KCNQ1OT1: variants seen among roughly 807,000 people sequenced by gnomAD.
KCNQ1OT1 encodes the protein KCNQ1 antisense RNA 2 (non-protein coding).
Position 2,657,904 on chromosome 11 carries a change from T to C in KCNQ1OT1, n.42091A>G. ...GTGAGGTGAGATGCTTTCCTCATTG[T>C]GGAACATGACATCAACATGGTTTAT... is the stretch of plus-strand genomic sequence containing the variant. On this transcript the variant is annotated non_coding_transcript_exon_variant, in exon 1 of 1. Transcript: ENST00000597346. This position sits in a 1 kb window ranked among gnomAD's most constrained non-coding sequence, Gnocchi z 4.8. 5.0e-6 allele frequency: 2 copies of C among 398,620 alleles called. No individual in the cohort carries two copies. The highest frequency in any genetic ancestry group is 8.8e-6 in the Non-Finnish European group (2 of 226,048). 24.7% of individuals were successfully genotyped at this position (398,620 alleles called of 1,614,324 possible).
In KCNQ1OT1 at chr11:2,668,136, G is replaced by T. The variant is rs765954970; in HGVS notation, n.31859C>A. The T allele has an allele frequency of 5.0e-6, 2 of 398,550 alleles. No individual in the cohort carries two copies. The highest frequency in any genetic ancestry group is 2.1e-5 in the African/African-American group (1 of 48,716). The allele number at this position is 398,550 out of a possible 1,614,324, so 24.7% of individuals were successfully genotyped here. ...TTTGATGTCTGGCAGCCTCTCTATG[G>T]GGCTGAAGGGAGAGTGCTCCCTCAT... On this transcript the variant is annotated non_coding_transcript_exon_variant, in exon 1 of 1. Transcript: ENST00000597346. This position sits in a 1 kb window ranked among gnomAD's most constrained non-coding sequence, Gnocchi z 4.3.
chr11:2,696,659 C>T (rs774582634), exon 1 of KCNQ1OT1: 10 of 398,528 alleles, frequency 2.5e-5, no homozygotes, highest in Non-Finnish European at 4.4e-5. Flanking sequence ...ATCCTGACGT[C>T]ATTCTAATGC....
exon 1 of KCNQ1OT1, chr11:2,660,349 T>A (rs568921659): frequency 2.5e-6 from 1 of 398,538 alleles, no homozygotes; most frequent in East Asian, 3.6e-5. Flanking sequence ...GGAATAAATT[T>A]AAGAGAGAAT....
At chr11:2,639,113 G>T (rs902586970) in exon 1 of KCNQ1OT1, 2 of 152,092 alleles carry the variant, frequency 1.3e-5, no homozygotes, top group African/African-American at 4.8e-5. Flanking sequence ...TTAGCCATTC[G>T]TCTAATCTTT....
chr11:2,681,783 A>G (rs536392510), exon 1 of KCNQ1OT1: 2 of 398,590 alleles, frequency 5.0e-6, no homozygotes, highest in East Asian at 7.1e-5. Context: ...TGGGAGGACC[A>G]GAATGGGTAC....
chr11:2,667,462 T>C lies in KCNQ1OT1; in HGVS notation n.32533A>G, dbSNP rs1850098823. 2.5e-6 allele frequency: 1 copy of C among 398,424 alleles called. No homozygotes were observed. Among genetic ancestry groups the C allele is most frequent in the Non-Finnish European group, 4.4e-6 (1 of 226,112 alleles). 24.7% of individuals were successfully genotyped at this position (398,424 alleles called of 1,614,324 possible). ...CTGCTCAGGTCCTCAGCCAAGCAGA[T>C]GGTGTTGGAGGATGTGACAGAGAGA... On this transcript the variant is annotated non_coding_transcript_exon_variant, in exon 1 of 1. Coordinates refer to ENST00000597346, the Ensembl canonical transcript of KCNQ1OT1.
rs1463399169 is a variant in KCNQ1OT1, at chr11:2,642,289, A to T, written n.57706T>A. The T allele has an allele frequency of 2.5e-6, 1 of 398,230 alleles. No homozygotes were observed. The highest frequency in any genetic ancestry group is 4.4e-6 in the Non-Finnish European group (1 of 225,846). The allele number at this position is 398,230 out of a possible 1,614,324, so 24.7% of individuals were successfully genotyped here. A position where few individuals can be genotyped will look rare whatever the true frequency, so the allele number is the denominator to read the frequency against. On this transcript the variant is annotated non_coding_transcript_exon_variant, in exon 1 of 1. Coordinates refer to ENST00000597346, the Ensembl canonical transcript of KCNQ1OT1. The surrounding 1 kb of genome is among the most constrained non-coding windows in gnomAD (Gnocchi z 4.3). ...TTGTGTGTTCTTTTCAATTTCTTTC[A>T]TCAGACTTTTGTAGTTTTCCTTGTT...
In KCNQ1OT1 at chr11:2,623,284, A is replaced by T. The variant is rs1849204356; in HGVS notation, n.76711T>A. 5.0e-6 allele frequency: 2 copies of T among 398,674 alleles called. No individual in the cohort carries two copies. Among genetic ancestry groups the T allele is most frequent in the Admixed American group, 4.4e-5 (1 of 22,722 alleles). 24.7% of individuals were successfully genotyped at this position (398,674 alleles called of 1,614,324 possible). A position where few individuals can be genotyped will look rare whatever the true frequency, so the allele number is the denominator to read the frequency against. ...AAACCTCTTTTCTCACAAATTACCC[A>T]GTCTCAGGTAGTTCTTTATAGCACT... On this transcript the variant is annotated non_coding_transcript_exon_variant, in exon 1 of 1. Coordinates refer to ENST00000597346, the Ensembl canonical transcript of KCNQ1OT1. The surrounding 1 kb of genome is among the most constrained non-coding windows in gnomAD (Gnocchi z 5.2).
At position 2,624,561 on chromosome 11, in the gene KCNQ1OT1, C is replaced by A. The variant is rs1006541022; in HGVS notation, n.75434G>T. 2.5e-6 allele frequency: 1 copy of A among 398,278 alleles called. No homozygotes were observed. The highest frequency in any genetic ancestry group is 4.4e-6 in the Non-Finnish European group (1 of 225,996). The allele number at this position is 398,278 out of a possible 1,614,324, so 24.7% of individuals were successfully genotyped here. A position where few individuals can be genotyped will look rare whatever the true frequency, so the allele number is the denominator to read the frequency against. ...TTCTATTTGTTGTTGATTTCCAAATCTTTTATTGTGGCAAAATACACTTAA... is the reference window on the plus strand; with the variant it reads ...TTCTATTTGTTGTTGATTTCCAAATATTTTATTGTGGCAAAATACACTTAA... On this transcript the variant is annotated non_coding_transcript_exon_variant, in exon 1 of 1. Transcript: ENST00000597346. The surrounding 1 kb of genome is among the most constrained non-coding windows in gnomAD (Gnocchi z 4.9).
chr11:2,660,203 G>A (rs946200686), exon 1 of KCNQ1OT1: 45 of 398,128 alleles, frequency 1.1e-4, no homozygotes, highest in African/African-American at 9.0e-4. Flanking sequence ...TTTTCAGTAA[G>A]TTTGTATGTA....
chr11:2,662,557 C>G (rs989952208), exon 1 of KCNQ1OT1: 2 of 428,480 alleles, frequency 4.7e-6, no homozygotes, highest in East Asian at 6.7e-5. Context: ...TTGGCCTTCC[C>G]CTGAGGCACA....
In KCNQ1OT1 at chr11:2,642,481, AGTTTT is replaced by A. The variant is rs1849594748; in HGVS notation, n.57509_57513del. ...AATCAATTTATTGATCAGACTGAAG[AGTTTT>A]GATTTTTGTATTTCATGGTATGAGT... is the stretch of plus-strand genomic sequence containing the variant. On this transcript the variant is annotated non_coding_transcript_exon_variant, in exon 1 of 1. Coordinates refer to ENST00000597346, the Ensembl canonical transcript of KCNQ1OT1. This position sits in a 1 kb window ranked among gnomAD's most constrained non-coding sequence, Gnocchi z 4.3. 2 of 397,820 alleles carry A rather than the reference AGTTTT, an allele frequency of 5.0e-6. No homozygotes were observed. 24.6% of individuals were successfully genotyped at this position (397,820 alleles called of 1,614,324 possible).
Position 2,676,846 on chromosome 11 carries a change from T to C in KCNQ1OT1, n.23149A>G, listed in dbSNP as rs1850303523. ...ACAGGGGTCATGTTGTAATGACACC[T>C]GTCAGCTTTGACTGGGGAGCCCTTT... On this transcript the variant is annotated non_coding_transcript_exon_variant, in exon 1 of 1. Coordinates refer to ENST00000597346, the Ensembl canonical transcript of KCNQ1OT1. This position sits in a 1 kb window ranked among gnomAD's most constrained non-coding sequence, Gnocchi z 4.2. The C allele has an allele frequency of 7.5e-6, 3 of 398,534 alleles. No individual in the cohort carries two copies. The highest frequency in any genetic ancestry group is 6.2e-5 in the African/African-American group (3 of 48,632). 24.7% of individuals were successfully genotyped at this position (398,534 alleles called of 1,614,324 possible).
chr11:2,675,966 G>A (rs925099829), exon 1 of KCNQ1OT1: 2 of 398,520 alleles, frequency 5.0e-6, no homozygotes, highest in East Asian at 3.6e-5. Context: ...TACAAAAGGG[G>A]TGAAAAATAA....
chr11:2,618,235 CG>C (rs1342336311), exon 1 of KCNQ1OT1: 4 of 398,230 alleles, frequency 1.0e-5, no homozygotes, highest in African/African-American at 6.2e-5. Context: ...TTTGGCTTCC[CG>C]GGGCCACACT....
chr11:2,623,645 A>G lies in KCNQ1OT1; in HGVS notation n.76350T>C. 1 of 398,540 alleles carries G rather than the reference A, an allele frequency of 2.5e-6. No individual in the cohort carries two copies. The highest frequency in any genetic ancestry group is 4.4e-6 in the Non-Finnish European group (1 of 226,034). The allele number at this position is 398,540 out of a possible 1,614,324, so 24.7% of individuals were successfully genotyped here. ...GAATAATATTTCATTGCCTGGATGT[A>G]CTACAGTTTATCTGTCTACTCACCT... On this transcript the variant is annotated non_coding_transcript_exon_variant, in exon 1 of 1. Transcript: ENST00000597346. This position sits in a 1 kb window ranked among gnomAD's most constrained non-coding sequence, Gnocchi z 5.2.
At position 2,682,447 on chromosome 11, in the gene KCNQ1OT1, C is replaced by CGGCT; in HGVS notation, n.17547_17548insAGCC. 1 of 397,960 alleles carries CGGCT rather than the reference C, an allele frequency of 2.5e-6. No homozygotes were observed. The highest frequency in any genetic ancestry group is 3.6e-5 in the East Asian group (1 of 27,998). The allele number at this position is 397,960 out of a possible 1,614,324, so 24.7% of individuals were successfully genotyped here. On this transcript the variant is annotated non_coding_transcript_exon_variant, in exon 1 of 1. Coordinates refer to ENST00000597346, the Ensembl canonical transcript of KCNQ1OT1. The surrounding 1 kb of genome is among the most constrained non-coding windows in gnomAD (Gnocchi z 5.8). Reference sequence around the variant, plus strand: ...CTTCAGTGCTTAATCCATATGGAGCCTGTCACGGACCCTCAGTGAATGTTT... The same window carrying CGGCT: ...CTTCAGTGCTTAATCCATATGGAGCCGGCTTGTCACGGACCCTCAGTGAATGTTT...
At chr11:2,694,871 T>G (rs1478874786) in exon 1 of KCNQ1OT1, 1 of 398,532 alleles carries the variant, frequency 2.5e-6, no homozygotes, top group Non-Finnish European at 4.4e-6. Context: ...GAGATTTAAA[T>G]AAGAAGAAGG....
At chr11:2,694,542 T>A (rs1402040909) in exon 1 of KCNQ1OT1, 2 of 398,538 alleles carry the variant, frequency 5.0e-6, no homozygotes, top group African/African-American at 4.1e-5. Context: ...GATTTTGACA[T>A]GCTATTTGCT....
Sources: gnomAD v4.1 joint callset for allele counts on GRCh38, gnomAD v4.1.1 for gene constraint, Gnocchi (gnomAD v3.1) non-coding constraint, MANE v1.5 for transcripts, NCBI Gene and HGNC (gene_info 2026-07-23, HGNC 2026-07-21) for gene names.